The following INTS9 variants were observed in gnomAD, a reference collection of about 807,000 sequenced individuals.
The protein encoded by INTS9 is integrator complex subunit 9.
A neutral mutation model predicts 79.7 loss-of-function variants in INTS9; 55 were observed. The observed-to-expected ratio is 0.69, with a 90% CI of 0.56 to 0.86. The LOEUF is 0.86. INTS9 is among the 40% of genes least tolerant of loss of function. INTS9 has a pLI of 0.00. For synonymous variants in INTS9, 319 were observed against 325.2 expected (o/e 0.98, Z 0.20); for missense variants, 721 against 831.5 (o/e 0.87, Z 1.64).
intron 10 of INTS9, among the ~76,000 whole-genome samples, chr8:28,791,693 C>T (rs1803928771): frequency 6.6e-6 from 1 of 152,140 alleles, no homozygotes; most frequent in Non-Finnish European, 1.5e-5. Flanking sequence ...ACACAGCTGC[C>T]TCTTCCTTCA....
At chr8:28,788,586 T>G (rs1371059283) in intron 10 of INTS9, among the ~76,000 whole-genome samples, 1 of 152,148 alleles carries the variant, frequency 6.6e-6, no homozygotes, top group Non-Finnish European at 1.5e-5. Context: ...ACTCGGCGAA[T>G]TTTTGTATTT....
chr8:28,798,290 G>A (rs1481280481), intron 8 of INTS9: 2 of 152,172 alleles, frequency 1.3e-5, no homozygotes, highest in Non-Finnish European at 2.9e-5. Context: ...TCTCGTGTGC[G>A]AGTTATCAAC....
At chr8:28,884,397 C>A (rs1204087873) in intron 1 of INTS9, among the ~76,000 whole-genome samples, 1 of 151,870 alleles carries the variant, frequency 6.6e-6, no homozygotes, top group Non-Finnish European at 1.5e-5. Context: ...GTTGCCCAGG[C>A]TGGTCTGGAA....
chr8:28,828,458 C>A (rs1806277377), intron 6 of INTS9, among the ~76,000 whole-genome samples: 1 of 152,158 alleles, frequency 6.6e-6, no homozygotes, highest in Admixed American at 6.5e-5. Flanking sequence ...TTAGTCCTTA[C>A]AACAATCCTA....
chr8:28,825,213 G>A (rs186617535), intron 6 of INTS9, among the ~76,000 whole-genome samples: 20 of 152,334 alleles, frequency 1.3e-4, no homozygotes, highest in African/African-American at 3.6e-4. Context: ...CTCTGGGCCC[G>A]GTAGGAGCCA....
intron 12 of INTS9, 28 bp from the exon 13 acceptor site, chr8:28,777,981 A>C: frequency 2.5e-6 from 4 of 1,590,634 alleles, no homozygotes; most frequent in Non-Finnish European, 3.4e-6. Flanking sequence ...AAGAAATCTT[A>C]CAATGCAGAC....
chr8:28,889,830 T>C, intron 1 of INTS9, 44 bp downstream of exon 1: 1 of 1,611,098 alleles, frequency 6.2e-7, no homozygotes, highest in Non-Finnish European at 8.5e-7. Context: ...GTCCAAAAGG[T>C]TATAGCATCA....
intron 3 of INTS9, 90 bp downstream of exon 3, chr8:28,850,123 T>G: frequency 1.2e-6 from 1 of 834,084 alleles, no homozygotes; most frequent in Non-Finnish European, 1.9e-6. Context: ...AAAAAAGCCA[T>G]CAGTCACACT....
At chr8:28,832,767 G>T (rs1378662157) in intron 6 of INTS9, among the ~76,000 whole-genome samples, 1 of 150,804 alleles carries the variant, frequency 6.6e-6, no homozygotes, top group Non-Finnish European at 1.5e-5. Flanking sequence ...TTCAAGACCA[G>T]TCTGGCCAAT....
chr8:28,820,931 G>T (rs1183006306), intron 6 of INTS9, among the ~76,000 whole-genome samples: 1 of 152,170 alleles, frequency 6.6e-6, no homozygotes, highest in Non-Finnish European at 1.5e-5. Context: ...AAAAAGTGGG[G>T]GGAAATATGT....
chr8:28,870,350 T>C (rs555695465), intron 1 of INTS9, among the ~76,000 whole-genome samples: 105 of 6,808 alleles, frequency 0.015, no homozygotes, highest in African/African-American at 0.045. Flanking sequence ...AGAAAAAAGC[T>C]TTTTTTTTTT....
intron 6 of INTS9, among the ~76,000 whole-genome samples, chr8:28,815,996 C>G (rs1237063274): frequency 6.6e-6 from 1 of 151,236 alleles, no homozygotes; most frequent in Non-Finnish European, 1.5e-5. Context: ...AAGTGACTTA[C>G]AAGGAAAGAA....
intron 4 of INTS9, among the ~76,000 whole-genome samples, chr8:28,842,351 C>A (rs899710728): frequency 6.6e-6 from 1 of 152,122 alleles, no homozygotes; most frequent in African/African-American, 2.4e-5. Flanking sequence ...GATGTTTTCA[C>A]GTTTTCATTT....
At chr8:28,852,000 T>C (rs1807864945) in intron 2 of INTS9, among the ~76,000 whole-genome samples, 2 of 152,158 alleles carry the variant, frequency 1.3e-5, no homozygotes, top group South Asian at 4.2e-4. Flanking sequence ...GGGAGGATCA[T>C]TTGAACCCAG....
Position 28,850,276 on chromosome 8 carries a change from G to A in INTS9, c.138-3C>T. On this transcript the variant is annotated splice_region_variant and splice_polypyrimidine_tract_variant and intron_variant, in intron 2 of 16. Transcript: ENST00000521022. ...CAGGAAGATTGGACAGCCTGGGACTGCAAAACAAAAGATTAAGATTAAATT... is the reference window on the plus strand; with the variant it reads ...CAGGAAGATTGGACAGCCTGGGACTACAAAACAAAAGATTAAGATTAAATT... 1 of 1,610,796 alleles carries A rather than the reference G, an allele frequency of 6.2e-7. No individual in the cohort carries two copies. The highest frequency in any genetic ancestry group is 1.1e-5 in the South Asian group (1 of 90,862).
At chr8:28,802,687 A>G (rs906402935) in intron 8 of INTS9, among the ~76,000 whole-genome samples, 4 of 152,204 alleles carry the variant, frequency 2.6e-5, no homozygotes, top group Non-Finnish European at 5.9e-5. Flanking sequence ...AACAATAAAC[A>G]AACTAAACCT....
At chr8:28,859,359 T>C (rs920468023) in intron 2 of INTS9, 77 bp downstream of exon 2, 3 of 1,500,870 alleles carry the variant, frequency 2.0e-6, no homozygotes, top group African/African-American at 1.4e-5. Context: ...TACTAGGTAC[T>C]AGTAACCTTC....
chr8:28,848,743 C>G (rs1286523066), intron 3 of INTS9, among the ~76,000 whole-genome samples: 1 of 152,206 alleles, frequency 6.6e-6, no homozygotes, highest in Non-Finnish European at 1.5e-5. Context: ...AGTCTCCTCA[C>G]AGGCTCTCAT....
intron 8 of INTS9, among the ~76,000 whole-genome samples, chr8:28,804,930 T>C (rs933078663): frequency 2.6e-5 from 4 of 151,950 alleles, no homozygotes; most frequent in Non-Finnish European, 5.9e-5. Context: ...GGCTGGAAGA[T>C]TTTTTCCAGG....
Sources: gnomAD v4.1 joint callset for allele counts (sites outside exome capture counted in the v4.1 genomes callset) on GRCh38, gnomAD v4.1.1 for gene constraint, MANE v1.5 for transcripts, NCBI Gene and HGNC (gene_info 2026-07-23, HGNC 2026-07-21) for gene names.